The following IGF2R variants were observed in gnomAD, a reference collection of about 807,000 sequenced individuals.
IGF2R encodes insulin like growth factor 2 receptor, also known as cation-independent mannose-6-phosphate receptor.
In IGF2R, 91 loss-of-function variants were observed where a neutral mutation model predicts 270.6. The observed-to-expected ratio is 0.34, with a 90% confidence interval of 0.28 to 0.40. The LOEUF (loss-of-function observed/expected upper bound fraction) is 0.40, where lower values mean the gene tolerates loss of function less well. IGF2R is among the 10% of genes least tolerant of loss of function. The pLI is 1.00. For missense variants in IGF2R, 2,805 were observed against 3,188.3 expected (o/e 0.88, Z 2.90); for synonymous variants, 1,316 against 1,258.9 (o/e 1.05, Z -0.96).
At position 160,090,272 on chromosome 6, in the gene IGF2R, G is replaced by A. The variant is rs564377104; in HGVS notation, c.6655+169G>A. 7.1e-5 allele frequency: 33 copies of A among 462,208 alleles called. 1 individual carries two copies. The Middle Eastern group carries it at 2.0e-3, about 28-fold the overall frequency. 28.6% of individuals were successfully genotyped at this position (462,208 alleles called of 1,614,324 possible). ...TTCTTGACAGTGGATTGAGCGATAC[G>A]TGTCAGAACTAAGCATTTCACTGTA... On this transcript the variant is annotated intron_variant, in intron 44 of 47. Coordinates refer to ENST00000356956, the MANE Select transcript of IGF2R (RefSeq NM_000876.4).
chr6:160,073,970 C>G lies in IGF2R; in HGVS notation c.5161C>G (p.Pro1721Ala). 6.2e-7 allele frequency: 1 copy of G among 1,609,198 alleles called. No individual in the cohort carries two copies. Among genetic ancestry groups the G allele is most frequent in the South Asian group, 1.1e-5 (1 of 90,390 alleles). Reference protein sequence around the residue: ...AVCKVPIDGPPIDIGRVAGPP... With the variant: ...AVCKVPIDGPAIDIGRVAGPP... ...GTGCAAAGTTCCTATTGATGGTCCC[C>G]CCATAGTAAGTATGACAAATCCAAG... Residue 1721 changes from proline (P) to alanine (A), a missense_variant, in exon 35 of 48, where the codon CCC (proline) becomes GCC (alanine). By Grantham distance (27) the Pro-to-Ala change is conservative. Around this residue, in one of 2 missense-constraint regions of IGF2R, gnomAD observed 1,851 missense variants for 2,207.2 expected, o/e 0.84. Transcript: ENST00000356956.
chr6:160,090,531 G>A (rs925620730), intron 44 of IGF2R, among the ~76,000 whole-genome samples: 13 of 152,200 alleles, frequency 8.5e-5, no homozygotes, highest in Non-Finnish European at 5.9e-5. Flanking sequence ...TAGGATGTAG[G>A]TTAAAATCAA....
chr6:160,070,393 G>A lies in IGF2R; in HGVS notation c.4443+335G>A, dbSNP rs937450009. 5.9e-5 allele frequency among the ~76,000 whole-genome samples: 9 copies of A among 152,298 alleles called. No homozygotes were observed. The East Asian group carries it at 1.7e-3, about 29-fold the overall frequency. ...GGCGGCAGCTTGGGAAGCACGAGAAGGTTGGCTGGGCCCGGGTCACAGGTA... is the reference window on the plus strand; with the variant it reads ...GGCGGCAGCTTGGGAAGCACGAGAAAGTTGGCTGGGCCCGGGTCACAGGTA... On this transcript the variant is annotated intron_variant, in intron 31 of 47. Transcript: ENST00000356956.
At chr6:160,030,056 C>G (rs1049876992) in intron 7 of IGF2R, among the ~76,000 whole-genome samples, 2 of 152,140 alleles carry the variant, frequency 1.3e-5, no homozygotes, top group African/African-American at 4.8e-5. Flanking sequence ...GCCTTTCCCT[C>G]CCTCTCTCTT....
At position 160,047,511 on chromosome 6, in the gene IGF2R, G is replaced by A. The variant is rs556418269; in HGVS notation, c.2229+175G>A. Among the ~76,000 whole-genome samples the A allele has an allele frequency of 1.1e-4, 16 of 152,198 alleles. No homozygotes were observed. The South Asian group carries it at 1.2e-3, about 12-fold the overall frequency. ...TTAAGCTGTTTATTTAGTGGGTTGT[G>A]CACCTTAATAACAGCCCACAAGCCT... On this transcript the variant is annotated intron_variant, in intron 16 of 47. Coordinates refer to ENST00000356956, the MANE Select transcript of IGF2R (RefSeq NM_000876.4).
At chr6:159,980,196 A>AAAGG (rs1301006697) in intron 1 of IGF2R, among the ~76,000 whole-genome samples, 1 of 77,358 alleles carries the variant, frequency 1.3e-5, no homozygotes, top group Non-Finnish European at 2.3e-5. Flanking sequence ...AGAAAGAAAG[A>AAAGG]AAGAAAGAAA....
chr6:160,074,274 G>A (rs542490317), intron 35 of IGF2R, among the ~76,000 whole-genome samples: 1 of 152,350 alleles, frequency 6.6e-6, no homozygotes, highest in South Asian at 2.1e-4. Context: ...TTTAGGTGAA[G>A]TGACAGGAAA....
chr6:159,999,647 C>T (rs773063408), intron 2 of IGF2R, among the ~76,000 whole-genome samples: 4 of 152,116 alleles, frequency 2.6e-5, no homozygotes, highest in Middle Eastern at 3.2e-3. Context: ...GAGCTCCCCG[C>T]AGATCAGAGG....
At chr6:160,065,844 A>ATATCTT (rs2115266998) in intron 29 of IGF2R, among the ~76,000 whole-genome samples, 2 of 111,484 alleles carry the variant, frequency 1.8e-5, no homozygotes, top group Admixed American at 1.9e-4. Flanking sequence ...ATATATATAT[A>ATATCTT]TGTATTTTTT....
chr6:160,021,656 TAAAA>T (rs1288160271), intron 4 of IGF2R, among the ~76,000 whole-genome samples: 1 of 140,328 alleles, frequency 7.1e-6, no homozygotes, highest in Non-Finnish European at 1.6e-5. Flanking sequence ...TGGAACGTAA[TAAAA>T]AAAAACCCCA....
intron 1 of IGF2R, among the ~76,000 whole-genome samples, chr6:159,984,824 A>C (rs555853195): frequency 1.3e-4 from 20 of 152,362 alleles, no homozygotes; most frequent in Non-Finnish European, 2.6e-4. Context: ...GGTCACTTGC[A>C]GTCTGAAAAT....
chr6:160,089,288 G>A, intron 43 of IGF2R, 35 bp downstream of exon 43: 6 of 1,578,160 alleles, frequency 3.8e-6, no homozygotes, highest in Non-Finnish European at 5.2e-6. Flanking sequence ...GCTGTGAAAT[G>A]TGTTCAAAAT....
rs1030672585 is a variant in IGF2R at position 160,093,782 on chromosome 6, A to G, written c.6656-2657A>G. On this transcript the variant is annotated intron_variant, in intron 44 of 47. Coordinates refer to ENST00000356956, the MANE Select transcript of IGF2R (RefSeq NM_000876.4). Reference sequence around the variant, plus strand: ...TGCTTTTCGACTATATGATTTGGATAAAGATAACAAGATCTCTCGTGATGA... The same window carrying G: ...TGCTTTTCGACTATATGATTTGGATGAAGATAACAAGATCTCTCGTGATGA... 7 of 743,818 alleles carry G rather than the reference A, an allele frequency of 9.4e-6. No homozygotes were observed. In the African/African-American group the frequency reaches 1.2e-4, roughly 13 times the overall value. 46.1% of individuals were successfully genotyped at this position (743,818 alleles called of 1,614,324 possible). A position where few individuals can be genotyped will look rare whatever the true frequency, so the allele number is the denominator to read the frequency against.
chr6:160,096,513 ATCT>A lies in IGF2R; in HGVS notation c.6736_6738del (p.Phe2246del). 1.2e-6 allele frequency: 2 copies of A among 1,614,166 alleles called. No individual in the cohort carries two copies. Among genetic ancestry groups the A allele is most frequent in the Non-Finnish European group, 1.7e-6 (2 of 1,180,028 alleles). Reference sequence around the variant, plus strand: ...TAAGACCAAGTCTGTTTCTTCCACCATCTTCTTCCACTGTGACCCTCTGGTGGA... The same window carrying A: ...TAAGACCAAGTCTGTTTCTTCCACCATCTTCCACTGTGACCCTCTGGTGGA... On this transcript the variant is annotated inframe_deletion, in exon 45 of 48. Transcript: ENST00000356956.
At chr6:160,028,392 A>G (rs1777612428) in intron 6 of IGF2R, among the ~76,000 whole-genome samples, 2 of 152,228 alleles carry the variant, frequency 1.3e-5, no homozygotes, top group Admixed American at 6.5e-5. Flanking sequence ...ATGCTGAGCT[A>G]TGGCTTAGGC....
At chr6:160,070,652 C>A (rs2115272544) in intron 31 of IGF2R, among the ~76,000 whole-genome samples, 1 of 152,332 alleles carries the variant, frequency 6.6e-6, no homozygotes, top group South Asian at 2.1e-4. Flanking sequence ...GTGTCGACTG[C>A]ATACAGGTTT....
In IGF2R at chr6:160,040,706, G is replaced by A. The variant is rs1777926521; in HGVS notation, c.1462G>A (p.Ala488Thr). The stretch of plus-strand genomic sequence containing the variant: ...CGGGAAGAAGCGCTATGACCTGTCC[G>A]CGCTGGTCCGCCATGCAGGTACTGC... ...TDGKKRYDLS[A>T]LVRHAEPEQN... is the part of the protein sequence containing the mutation. Residue 488 changes from alanine (A) to threonine (T), a missense_variant, in exon 11 of 48, where the codon GCG (alanine) becomes ACG (threonine). By Grantham distance (58) the Ala-to-Thr change is moderately conservative. Coordinates refer to ENST00000356956, the MANE Select transcript of IGF2R (RefSeq NM_000876.4). The A allele has an allele frequency of 3.1e-6, 5 of 1,613,900 alleles. No homozygotes were observed. Among genetic ancestry groups the A allele is most frequent in the East Asian group, 2.2e-5 (1 of 44,878 alleles).
At chr6:160,024,466 A>T in intron 4 of IGF2R, 106 bp from the exon 5 acceptor site, 1 of 1,088,940 alleles carries the variant, frequency 9.2e-7, no homozygotes, top group South Asian at 1.4e-5. Context: ...CCATAGCATG[A>T]TAGTCCCTAA....
At chr6:160,035,319 CT>C (rs1235810318) in intron 10 of IGF2R, among the ~76,000 whole-genome samples, 2 of 152,168 alleles carry the variant, frequency 1.3e-5, no homozygotes, top group Non-Finnish European at 2.9e-5. Flanking sequence ...TACAGCAGAG[CT>C]TTGGGTGGCT....
Sources: gnomAD v4.1 joint callset for allele counts (sites outside exome capture counted in the v4.1 genomes callset) on GRCh38, gnomAD v4.1.1 for gene constraint, gnomAD v4.1.1 regional missense constraint, MANE v1.5 for transcripts, NCBI Gene and HGNC (gene_info 2026-07-23, HGNC 2026-07-21) for gene names.